The following ACVR2A variants were observed in gnomAD, a reference collection of about 807,000 sequenced individuals.
ACVR2A encodes the protein activin A receptor type 2A.
Under a neutral mutation model 61.4 loss-of-function variants are expected in ACVR2A, and 7 were observed. That is an observed-to-expected ratio of 0.11 (90% confidence interval 0.06 to 0.21). ACVR2A has a LOEUF of 0.21. Ranked by LOEUF, ACVR2A falls within the 10% of genes least tolerant of loss-of-function variation. ACVR2A has a pLI of 1.00. For synonymous variants in ACVR2A, 193 were observed against 208.3 expected (o/e 0.93, Z 0.63); for missense variants, 322 against 621.7 (o/e 0.52, Z 5.13).
intron 1 of ACVR2A, among the ~76,000 whole-genome samples, chr2:147,886,230 C>T (rs1188177586): frequency 6.6e-6 from 1 of 152,120 alleles, no homozygotes; most frequent in East Asian, 1.9e-4. Context: ...ATTCTTTGGA[C>T]TTGTGGTTTG....
chr2:147,892,005 T>G (rs2105184755), intron 1 of ACVR2A, among the ~76,000 whole-genome samples: 1 of 152,256 alleles, frequency 6.6e-6, no homozygotes, highest in Admixed American at 6.5e-5. Context: ...AGAGTCTCTT[T>G]CTGTTGCCCA....
At chr2:147,924,697 G>A (rs1188316107) in intron 9 of ACVR2A, among the ~76,000 whole-genome samples, 4 of 152,042 alleles carry the variant, frequency 2.6e-5, no homozygotes, top group South Asian at 2.1e-4. Flanking sequence ...GCTTTCACGT[G>A]TGTTGATGGT....
At chr2:147,865,643 TAGG>T (rs1685833247) in intron 1 of ACVR2A, among the ~76,000 whole-genome samples, 1 of 152,214 alleles carries the variant, frequency 6.6e-6, no homozygotes, top group African/African-American at 2.4e-5. Flanking sequence ...TGACTAAGTG[TAGG>T]AGATGTCCAG....
At chr2:147,925,852 A>G (rs574365636) in intron 9 of ACVR2A, 179 bp from the exon 10 acceptor site, 61 of 542,668 alleles carry the variant, frequency 1.1e-4, no homozygotes, top group African/African-American at 1.1e-3. Flanking sequence ...TTCATTTCCC[A>G]TACATTAGTT....
Position 147,896,289 on chromosome 2 carries a change from ATTATC to A in ACVR2A, c.56-7_56-3del. 6.3e-7 allele frequency: 1 copy of A among 1,598,920 alleles called. No homozygotes were observed. Among genetic ancestry groups the A allele is most frequent in the Non-Finnish European group, 8.6e-7 (1 of 1,169,230 alleles). ...ATAATGTGGTTATATTATTGTTTTTATTATCTTATAGGTGCTATACTTGGTAGATC... is the reference window on the plus strand; with the variant it reads ...ATAATGTGGTTATATTATTGTTTTTATTATAGGTGCTATACTTGGTAGATC... On this transcript the variant is annotated splice_polypyrimidine_tract_variant and splice_region_variant and intron_variant, in intron 1 of 10. Transcript: ENST00000241416.
intron 1 of ACVR2A, among the ~76,000 whole-genome samples, chr2:147,873,996 T>C (rs1415619450): frequency 2.6e-5 from 4 of 151,868 alleles, no homozygotes; most frequent in Admixed American, 1.3e-4. Context: ...TATGCTAATA[T>C]AGTAGAGAGG....
chr2:147,889,569 C>G (rs1223321580), intron 1 of ACVR2A, among the ~76,000 whole-genome samples: 5 of 151,830 alleles, frequency 3.3e-5, no homozygotes, highest in Admixed American at 2.0e-4. Context: ...ACGGTGAAAC[C>G]CTGTTTCCAC....
rs531849715 is a variant in ACVR2A, at chr2:147,852,645, T to A, written c.55+7438T>A. ...TCTCTTTTGGACTAGTCGAATAAAT[T>A]AAGCACACACGAAGGCGCTGAAACA... On this transcript the variant is annotated intron_variant, in intron 1 of 10. Coordinates refer to ENST00000241416, the MANE Select transcript of ACVR2A (RefSeq NM_001616.5). Among the ~76,000 whole-genome samples the A allele has an allele frequency of 3.8e-4, 58 of 152,204 alleles. No homozygotes were observed. The South Asian group carries it at 0.012, about 31-fold the overall frequency.
At chr2:147,908,100 A>G (rs1247462579) in intron 4 of ACVR2A, among the ~76,000 whole-genome samples, 3 of 151,950 alleles carry the variant, frequency 2.0e-5, no homozygotes, top group Admixed American at 6.6e-5. Context: ...AGATCAAAGT[A>G]TATAAACTAC....
At chr2:147,894,736 A>T (rs1573687415) in intron 1 of ACVR2A, among the ~76,000 whole-genome samples, 1 of 152,086 alleles carries the variant, frequency 6.6e-6, no homozygotes, top group East Asian at 1.9e-4. Context: ...AAATTTTATC[A>T]TTGGAAACGC....
chr2:147,853,128 G>A lies in ACVR2A; in HGVS notation c.55+7921G>A, dbSNP rs555064882. On this transcript the variant is annotated intron_variant, in intron 1 of 10. Transcript: ENST00000241416. Reference sequence around the variant, plus strand: ...TTGGTAAGGAAGTAATGAGCCAGAGGAAAATTGAAAGTGCCTTCATAACTA... The same window carrying A: ...TTGGTAAGGAAGTAATGAGCCAGAGAAAAATTGAAAGTGCCTTCATAACTA... Among the ~76,000 whole-genome samples the A allele has an allele frequency of 1.1e-4, 17 of 152,212 alleles. No homozygotes were observed. In the South Asian group the frequency reaches 3.3e-3, roughly 30 times the overall value.
rs540163583 is a variant in ACVR2A at position 147,924,135 on chromosome 2, G to A, written c.1216+1024G>A. Among the ~76,000 whole-genome samples, 24 of 152,166 alleles carry A rather than the reference G, an allele frequency of 1.6e-4. No individual in the cohort carries two copies. In the South Asian group the frequency reaches 4.6e-3, roughly 29 times the overall value. On this transcript the variant is annotated intron_variant, in intron 9 of 10. Coordinates refer to ENST00000241416, the MANE Select transcript of ACVR2A (RefSeq NM_001616.5). The stretch of plus-strand genomic sequence containing the variant: ...ATTTCAGAAGTCTTTAGGAAGAAGC[G>A]TTAAGAACGCAGAGTGTTTTGACTC...
intron 4 of ACVR2A, among the ~76,000 whole-genome samples, chr2:147,910,684 C>G (rs1404370704): frequency 6.6e-6 from 1 of 152,062 alleles, no homozygotes; most frequent in Non-Finnish European, 1.5e-5. Flanking sequence ...GATCATATTT[C>G]TTTTAATTTT....
chr2:147,904,718 G>GA (rs1481802224), intron 4 of ACVR2A, among the ~76,000 whole-genome samples: 5 of 151,952 alleles, frequency 3.3e-5, no homozygotes, highest in African/African-American at 1.2e-4. Context: ...AGCCATCTGT[G>GA]AAAATGCTTT....
At chr2:147,855,711 A>G (rs954272739) in intron 1 of ACVR2A, among the ~76,000 whole-genome samples, 5 of 152,136 alleles carry the variant, frequency 3.3e-5, no homozygotes, top group East Asian at 1.9e-4. Flanking sequence ...ACATGAATGG[A>G]TAGGCTTCTT....
chr2:147,905,084 C>T (rs182640243), intron 4 of ACVR2A, among the ~76,000 whole-genome samples: 143 of 152,040 alleles, frequency 9.4e-4, no homozygotes, highest in African/African-American at 3.3e-3. Context: ...TACAGAAAGA[C>T]GTATGAAAAA....
chr2:147,918,416 C>G (rs760774913), intron 6 of ACVR2A, 31 bp from the exon 7 acceptor site: 1 of 1,589,300 alleles, frequency 6.3e-7, no homozygotes, highest in South Asian at 1.2e-5. Flanking sequence ...TTGTCAAGAA[C>G]ATAAGTTTCT....
chr2:147,858,617 A>G (rs1685648411), intron 1 of ACVR2A, among the ~76,000 whole-genome samples: 1 of 152,196 alleles, frequency 6.6e-6, no homozygotes, highest in African/African-American at 2.4e-5. Context: ...AGTTTCTTCC[A>G]TGCCTGGCAC....
intron 1 of ACVR2A, among the ~76,000 whole-genome samples, chr2:147,893,468 AC>A (rs78690294): frequency 0.35 from 53,870 of 151,944 alleles, 10,531 homozygotes; most frequent in South Asian, 0.51. Context: ...TTCCAAAGTG[AC>A]TGGGCCATTT....
Sources: gnomAD v4.1 joint callset for allele counts (sites outside exome capture counted in the v4.1 genomes callset) on GRCh38, gnomAD v4.1.1 for gene constraint, MANE v1.5 for transcripts, NCBI Gene and HGNC (gene_info 2026-07-23, HGNC 2026-07-21) for gene names.